PTPRK: variants seen among roughly 807,000 people sequenced by gnomAD.
PTPRK encodes the protein protein tyrosine phosphatase receptor type K, also known as receptor-type tyrosine-protein phosphatase kappa.
Under a neutral mutation model 178.0 loss-of-function variants are expected in PTPRK, and 75 were observed. The observed-to-expected ratio is 0.42, with a 90% CI of 0.35 to 0.51. PTPRK has a LOEUF of 0.51. Among genes scored for constraint, PTPRK ranks in the 20% least tolerant of loss-of-function variants. The pLI is 0.02. For synonymous variants in PTPRK, 637 were observed against 620.6 expected (o/e 1.03, Z -0.39); for missense variants, 1,441 against 1,797.8 (o/e 0.80, Z 3.59).
intron 1 of PTPRK, among the ~76,000 whole-genome samples, chr6:128,520,021 C>T (rs1858780456): frequency 6.6e-6 from 1 of 152,216 alleles, no homozygotes; most frequent in South Asian, 2.1e-4. Context: ...GGTCCCCACA[C>T]TCTCCGGCTA....
intron 2 of PTPRK, among the ~76,000 whole-genome samples, chr6:128,379,677 A>C (rs569048674): frequency 3.3e-5 from 5 of 152,160 alleles, no homozygotes; most frequent in Non-Finnish European, 7.4e-5. Context: ...AAAAGGAACA[A>C]TTTTTTATAT....
chr6:128,210,115 T>C (rs540109805), intron 6 of PTPRK, among the ~76,000 whole-genome samples: 1 of 152,144 alleles, frequency 6.6e-6, no homozygotes, highest in African/African-American at 2.4e-5. Flanking sequence ...AAAGAGAAGA[T>C]GGTGACAGAG....
intron 7 of PTPRK, among the ~76,000 whole-genome samples, chr6:128,107,418 A>G (rs1789907880): frequency 6.6e-6 from 1 of 152,144 alleles, no homozygotes; most frequent in Non-Finnish European, 1.5e-5. Flanking sequence ...AATGTATACC[A>G]GGAATACATA....
At chr6:128,502,795 G>T (rs1186929945) in intron 1 of PTPRK, among the ~76,000 whole-genome samples, 1 of 152,052 alleles carries the variant, frequency 6.6e-6, no homozygotes, top group Non-Finnish European at 1.5e-5. Flanking sequence ...TACTTCTCTT[G>T]TATCTGTATG....
At chr6:128,004,704 A>G (rs1484518440) in intron 15 of PTPRK, among the ~76,000 whole-genome samples, 2 of 151,848 alleles carry the variant, frequency 1.3e-5, no homozygotes, top group African/African-American at 4.8e-5. Context: ...TCTTATCGCA[A>G]AAGAGACTTT....
At chr6:128,107,405 C>G (rs748933322) in intron 7 of PTPRK, among the ~76,000 whole-genome samples, 5 of 152,096 alleles carry the variant, frequency 3.3e-5, no homozygotes, top group South Asian at 2.1e-4. Flanking sequence ...TGCACCAAGG[C>G]ATAATGTATA....
At position 128,275,926 on chromosome 6, in the gene PTPRK, G is replaced by T. The variant is rs542589074; in HGVS notation, c.496-33324C>A. The stretch of plus-strand genomic sequence containing the variant: ...TATATTTTTTGCCTTTTGTTTTTTG[G>T]CAAGTCATAACCCAACCATGCCTTT... On this transcript the variant is annotated intron_variant, in intron 3 of 29. Coordinates refer to ENST00000368226, the MANE Select transcript of PTPRK (RefSeq NM_002844.4). Among the ~76,000 whole-genome samples the T allele has an allele frequency of 5.3e-5, 8 of 151,480 alleles. No individual in the cohort carries two copies. In the South Asian group the frequency reaches 1.7e-3, roughly 32 times the overall value.
chr6:128,355,500 C>T (rs74471657), intron 2 of PTPRK, among the ~76,000 whole-genome samples: 5 of 151,888 alleles, frequency 3.3e-5, no homozygotes, highest in East Asian at 1.9e-4. Flanking sequence ...CTCTCTTTAC[C>T]GAATATTAAT....
At chr6:128,078,572 C>T (rs1469561998) in intron 11 of PTPRK, among the ~76,000 whole-genome samples, 1 of 151,974 alleles carries the variant, frequency 6.6e-6, no homozygotes, top group Non-Finnish European at 1.5e-5. Context: ...TGAGAGAGAA[C>T]ATAATCACCT....
chr6:128,083,154 G>A (rs1450140966), intron 9 of PTPRK, among the ~76,000 whole-genome samples: 3 of 151,864 alleles, frequency 2.0e-5, no homozygotes, highest in South Asian at 2.1e-4. Flanking sequence ...TCTAATCAAC[G>A]CTATGTAGGA....
intron 7 of PTPRK, among the ~76,000 whole-genome samples, chr6:128,170,710 C>T (rs758653426): frequency 1.3e-5 from 2 of 151,824 alleles, no homozygotes; most frequent in Non-Finnish European, 2.9e-5. Context: ...GAAATTAAAA[C>T]GACAATTCCT....
chr6:128,436,734 A>C (rs989539971), intron 1 of PTPRK, among the ~76,000 whole-genome samples: 1 of 152,176 alleles, frequency 6.6e-6, no homozygotes, highest in Non-Finnish European at 1.5e-5. Flanking sequence ...ATTAAAACCT[A>C]GGCAGTATTT....
chr6:128,344,456 C>T (rs1173329852), intron 2 of PTPRK, among the ~76,000 whole-genome samples: 1 of 152,092 alleles, frequency 6.6e-6, no homozygotes, highest in Non-Finnish European at 1.5e-5. Flanking sequence ...TACAATCAGG[C>T]TGTATGCAGC....
At chr6:128,231,313 G>C (rs989235630) in intron 5 of PTPRK, among the ~76,000 whole-genome samples, 1 of 152,124 alleles carries the variant, frequency 6.6e-6, no homozygotes, top group Non-Finnish European at 1.5e-5. Flanking sequence ...AAGAGAACAC[G>C]GTCTCTTAAG....
At chr6:127,973,916 G>T in intron 27 of PTPRK, 89 bp from the exon 28 acceptor site, 2 of 1,257,836 alleles carry the variant, frequency 1.6e-6, no homozygotes, top group Non-Finnish European at 2.2e-6. Flanking sequence ...AATACAAATG[G>T]CATCTACACT....
chr6:128,103,363 G>A (rs776488806), intron 7 of PTPRK, among the ~76,000 whole-genome samples: 10 of 152,048 alleles, frequency 6.6e-5, no homozygotes, highest in Admixed American at 5.2e-4. Flanking sequence ...ACAAAGACCC[G>A]GGTACCAAGA....
intron 5 of PTPRK, chr6:128,238,198 AAAAAG>A (rs770423550): frequency 7.2e-5 from 29 of 400,674 alleles, no homozygotes; most frequent in Middle Eastern, 6.3e-4. Flanking sequence ...AAAAAAAAAA[AAAAAG>A]AAAAGAAAAA....
intron 1 of PTPRK, chr6:128,409,293 C>T: frequency 2.2e-6 from 1 of 454,050 alleles, no homozygotes; most frequent in Middle Eastern, 3.3e-4. Flanking sequence ...ACATAACTTA[C>T]CTCCTTTTCA....
At chr6:128,109,525 C>T (rs755478989) in intron 7 of PTPRK, among the ~76,000 whole-genome samples, 18 of 152,056 alleles carry the variant, frequency 1.2e-4, no homozygotes, top group African/African-American at 3.6e-4. Context: ...CTTACCATAA[C>T]GACAGAGTCC....
Sources: allele counts gnomAD v4.1 joint callset (sites outside exome capture counted in the v4.1 genomes callset), GRCh38; gene constraint gnomAD v4.1.1; transcripts MANE v1.5; gene names NCBI Gene and HGNC (gene_info 2026-07-23, HGNC 2026-07-21).